Variants in CAMTA1 observed in about 807,000 individuals in gnomAD.
The protein encoded by CAMTA1 is calmodulin binding transcription activator 1.
Under a neutral mutation model 170.9 loss-of-function variants are expected in CAMTA1, and 27 were observed. The ratio of observed to expected loss-of-function variants is 0.16; its 90% CI spans 0.12 to 0.22. The LOEUF is 0.22. Among genes scored for constraint, CAMTA1 ranks in the 10% least tolerant of loss-of-function variants. The pLI is 1.00. For synonymous variants in CAMTA1, 833 were observed against 891.5 expected, an observed-to-expected ratio of 0.93 and a Z score of 1.17; for missense variants, 1,619 against 2,217.2, an observed-to-expected ratio of 0.73 and a Z score of 5.42.
At chr1:7,520,501 A>T (rs1241712624) in intron 6 of CAMTA1, among the ~76,000 whole-genome samples, 1 of 151,500 alleles carries the variant, frequency 6.6e-6, no homozygotes, top group Non-Finnish European at 1.5e-5. Flanking sequence ...TGAGTGCCAC[A>T]GGCAGACATG....
At chr1:7,450,101 T>G (rs2092787717) in intron 5 of CAMTA1, among the ~76,000 whole-genome samples, 1 of 152,156 alleles carries the variant, frequency 6.6e-6, no homozygotes, top group Non-Finnish European at 1.5e-5. Context: ...CCTTGGGGAC[T>G]GCAGGCACCA....
intron 5 of CAMTA1, among the ~76,000 whole-genome samples, chr1:7,284,910 G>T (rs563208039): frequency 3.3e-5 from 5 of 152,332 alleles, no homozygotes; most frequent in Non-Finnish European, 5.9e-5. Context: ...CAGAACTCGT[G>T]CAAGGAAGGA....
At chr1:7,498,637 CATGCATGTGA>C (rs1463045706) in intron 6 of CAMTA1, among the ~76,000 whole-genome samples, 1 of 151,144 alleles carries the variant, frequency 6.6e-6, no homozygotes, top group Admixed American at 6.6e-5. Context: ...TATGAGTGTG[CATGCATGTGA>C]ATGTATGTGG....
In CAMTA1 at chr1:7,213,588, AT is replaced by A. The variant is rs1029912724; in HGVS notation, c.303-35895del. On this transcript the variant is annotated intron_variant, in intron 4 of 22. Transcript: ENST00000303635. ...GCATCCTGTCCTTCACAGAGCAAAT[AT>A]TTTTTTTCTTTTTTTTAAATTTCTT... Among the ~76,000 whole-genome samples the A allele has an allele frequency of 4.1e-3, 569 of 139,656 alleles. 5 individuals carry two copies. Among genetic ancestry groups the A allele is most frequent in the African/African-American group, 0.015 (547 of 35,632 alleles). 91.6% of individuals were successfully genotyped at this position (139,656 alleles called of 152,430 possible).
intron 6 of CAMTA1, among the ~76,000 whole-genome samples, chr1:7,498,445 G>T (rs950744411): frequency 1.3e-5 from 2 of 151,394 alleles, no homozygotes; most frequent in African/African-American, 4.8e-5. Flanking sequence ...GTATGAGTGT[G>T]TGTGAATGTG....
At chr1:7,070,713 A>G (rs1638526845) in intron 3 of CAMTA1, among the ~76,000 whole-genome samples, 1 of 152,112 alleles carries the variant, frequency 6.6e-6, no homozygotes, top group African/African-American at 2.4e-5. Context: ...GGTTATAGGG[A>G]GGGGACCAGA....
chr1:7,371,545 C>A (rs1022752773), intron 5 of CAMTA1, among the ~76,000 whole-genome samples: 2 of 152,230 alleles, frequency 1.3e-5, no homozygotes, highest in Non-Finnish European at 2.9e-5. Context: ...CAGGCATGAG[C>A]CACCATGCCC....
intron 11 of CAMTA1, among the ~76,000 whole-genome samples, chr1:7,700,049 T>C (rs2096421787): frequency 6.6e-6 from 1 of 152,246 alleles, no homozygotes; most frequent in Non-Finnish European, 1.5e-5. Flanking sequence ...AATTTATTTA[T>C]TTTTTCCTTT....
In CAMTA1 at chr1:7,167,790, C is replaced by T. The variant is rs888300810; in HGVS notation, c.302+76419C>T. On this transcript the variant is annotated intron_variant, in intron 4 of 22. Coordinates refer to ENST00000303635, the MANE Select transcript of CAMTA1 (RefSeq NM_015215.4). ...TAGAGACAGAGTCTTGCTCTGTCAC[C>T]CAGTCTGGAATGCAGTGGGGTAATC... is the stretch of plus-strand genomic sequence containing the variant. 4.0e-5 allele frequency among the ~76,000 whole-genome samples: 6 copies of T among 151,884 alleles called. No homozygotes were observed. In the East Asian group the frequency reaches 9.7e-4, roughly 25 times the overall value.
chr1:6,974,173 C>T (rs1693017475), intron 3 of CAMTA1, among the ~76,000 whole-genome samples: 1 of 152,124 alleles, frequency 6.6e-6, no homozygotes, highest in African/African-American at 2.4e-5. Flanking sequence ...CCAGGAGCTG[C>T]AGCAGCATCT....
intron 3 of CAMTA1, among the ~76,000 whole-genome samples, chr1:6,850,904 G>C (rs541701024): frequency 5.3e-5 from 8 of 152,304 alleles, no homozygotes; most frequent in African/African-American, 1.4e-4. Flanking sequence ...GCTCCTAACA[G>C]GTATTGAAGT....
chr1:7,495,212 C>A (rs59128663), intron 6 of CAMTA1, among the ~76,000 whole-genome samples: 1 of 152,200 alleles, frequency 6.6e-6, no homozygotes, highest in Non-Finnish European at 1.5e-5. Flanking sequence ...TCGTGAGAGA[C>A]GGAAGATCTG....
chr1:7,520,945 CT>C (rs34300914), intron 6 of CAMTA1, among the ~76,000 whole-genome samples: 27,683 of 152,006 alleles, frequency 0.18, 3,248 homozygotes, highest in East Asian at 0.46. Context: ...CACACCTCAC[CT>C]TCCCCATAAT....
chr1:6,974,677 GA>G (rs1693107014), intron 3 of CAMTA1, among the ~76,000 whole-genome samples: 2 of 152,186 alleles, frequency 1.3e-5, no homozygotes, highest in Admixed American at 1.3e-4. Context: ...GGACGTCCTG[GA>G]AGACAGTCTG....
chr1:7,466,652 C>T (rs2093217906), intron 5 of CAMTA1, among the ~76,000 whole-genome samples: 1 of 152,176 alleles, frequency 6.6e-6, no homozygotes, highest in African/African-American at 2.4e-5. Context: ...GGCCTTTTCC[C>T]ACCTGGCAGA....
At chr1:7,358,712 T>TTGTG (rs1286453914) in intron 5 of CAMTA1, among the ~76,000 whole-genome samples, 1 of 152,208 alleles carries the variant, frequency 6.6e-6, no homozygotes, top group Non-Finnish European at 1.5e-5. Context: ...CAGCCTTTTC[T>TTGTG]TGTGTGAGCC....
intron 4 of CAMTA1, among the ~76,000 whole-genome samples, chr1:7,188,067 A>G (rs972908141): frequency 6.6e-6 from 1 of 152,202 alleles, no homozygotes; most frequent in Non-Finnish European, 1.5e-5. Context: ...GTGGCAGGAG[A>G]GAGAAGTGGG....
chr1:6,892,941 A>T (rs565258020), intron 3 of CAMTA1, among the ~76,000 whole-genome samples: 1 of 151,846 alleles, frequency 6.6e-6, no homozygotes, highest in Non-Finnish European at 1.5e-5. Flanking sequence ...GAAGTTTTTT[A>T]TCTTCAGAAA....
chr1:7,643,017 C>A (rs916945992), intron 7 of CAMTA1, among the ~76,000 whole-genome samples: 1 of 152,024 alleles, frequency 6.6e-6, no homozygotes, highest in Non-Finnish European at 1.5e-5. Flanking sequence ...CTGGAACCTC[C>A]TTTCTGGGGC....
Sources: allele counts gnomAD v4.1 joint callset (sites outside exome capture counted in the v4.1 genomes callset), GRCh38; gene constraint gnomAD v4.1.1; transcripts MANE v1.5; gene names NCBI Gene and HGNC (gene_info 2026-07-23, HGNC 2026-07-21).